The following TXNRD3 variants were observed in gnomAD, a reference collection of about 807,000 sequenced individuals.
TXNRD3 encodes the protein thioredoxin reductase 3, also known as TXNRD3 neighbor gene protein.
TXNRD3 carries 68 observed loss-of-function variants against 78.2 expected under a neutral mutation model. The observed-to-expected ratio is 0.87, with a 90% CI of 0.72 to 1.06. The LOEUF (loss-of-function observed/expected upper bound fraction) is 1.06. TXNRD3 is among the 50% of genes least tolerant of loss of function. The pLI is 0.00. For missense variants in TXNRD3, 751 were observed against 809.5 expected (o/e 0.93, Z 0.88); for synonymous variants, 296 against 300.1 (o/e 0.99, Z 0.14).
At chr3:126,647,648 A>G (rs769030624) in intron 1 of TXNRD3, among the ~76,000 whole-genome samples, 1 of 152,148 alleles carries the variant, frequency 6.6e-6, no homozygotes, top group Non-Finnish European at 1.5e-5. Context: ...CCTTCCACTC[A>G]GTAAGACCCC....
At chr3:126,636,996 C>T (rs1362260398) in intron 6 of TXNRD3, among the ~76,000 whole-genome samples, 1 of 151,620 alleles carries the variant, frequency 6.6e-6, no homozygotes, top group Admixed American at 6.6e-5. Context: ...ATTCTTCTTC[C>T]AATGTGGCCG....
chr3:126,620,428 T>C (rs1559772119), intron 12 of TXNRD3, among the ~76,000 whole-genome samples: 1 of 152,174 alleles, frequency 6.6e-6, no homozygotes, highest in African/African-American at 2.4e-5. Flanking sequence ...AACATCCTTG[T>C]ACTTAGGAGA....
chr3:126,632,421 G>A (rs1261808499), intron 7 of TXNRD3, among the ~76,000 whole-genome samples: 1 of 151,982 alleles, frequency 6.6e-6, no homozygotes, highest in African/African-American at 2.4e-5. Context: ...TACTTTGGGA[G>A]GCCGAGGAAG....
intron 10 of TXNRD3, among the ~76,000 whole-genome samples, chr3:126,626,925 T>TA (rs79436447): frequency 1.2e-3 from 168 of 142,684 alleles, no homozygotes; most frequent in Admixed American, 2.7e-3. Flanking sequence ...ACCCCAACCG[T>TA]AAAAAAAAAA....
chr3:126,633,856 T>A, intron 7 of TXNRD3, 53 bp downstream of exon 7: 1 of 1,392,086 alleles, frequency 7.2e-7, no homozygotes, highest in Non-Finnish European at 9.3e-7. Context: ...TGAAGGCAAG[T>A]ATAAACAATT....
Position 126,654,811 on chromosome 3 carries a change from C to A in TXNRD3, c.180G>T (p.Val60=). 7.0e-7 allele frequency: 1 copy of A among 1,424,912 alleles called. No individual in the cohort carries two copies. Among genetic ancestry groups the A allele is most frequent in the East Asian group, 3.1e-5 (1 of 31,746 alleles). The allele number at this position is 1,424,912 out of a possible 1,614,324, so 88.3% of individuals were successfully genotyped here. ...CCACCCGGCTGCGCTCGATGAGGCC[C>A]ACGAGGTGGCGGCGCAGCTCCTCGC... The change falls in exon 1 of 16, where the codon GTG becomes GTT. Residue 60 remains valine, a synonymous_variant. Coordinates refer to ENST00000524230, the MANE Select transcript of TXNRD3 (RefSeq NM_052883.3).
At chr3:126,643,532 CACGACACAGT>C (rs1401161935) in intron 5 of TXNRD3, among the ~76,000 whole-genome samples, 2 of 152,044 alleles carry the variant, frequency 1.3e-5, no homozygotes, top group African/African-American at 4.8e-5. Flanking sequence ...CTTACGTGAC[CACGACACAGT>C]ACATACACTG....
intron 15 of TXNRD3, 26 bp downstream of exon 15, chr3:126,608,473 A>G: frequency 1.3e-6 from 2 of 1,510,498 alleles, no homozygotes; most frequent in South Asian, 1.3e-5. Flanking sequence ...AACTGAAGCC[A>G]ATTTTTAAAA....
At chr3:126,611,500 A>G (rs1447132584) in intron 13 of TXNRD3, among the ~76,000 whole-genome samples, 1 of 152,196 alleles carries the variant, frequency 6.6e-6, no homozygotes, top group African/African-American at 2.4e-5. Flanking sequence ...CCCTGATAAC[A>G]AGGCTCACAT....
chr3:126,654,675 C>A, intron 1 of TXNRD3, 73 bp downstream of exon 1: 2 of 1,072,962 alleles, frequency 1.9e-6, no homozygotes, highest in Non-Finnish European at 2.3e-6. Flanking sequence ...CGGCCCGGAC[C>A]CGCCCTGCCC....
In TXNRD3 at chr3:126,634,032, T is replaced by C. The variant is rs750402189; in HGVS notation, c.732A>G (p.Thr244=). 2 of 1,514,074 alleles carry C rather than the reference T, an allele frequency of 1.3e-6. No individual in the cohort carries two copies. 93.8% of individuals were successfully genotyped at this position (1,514,074 alleles called of 1,614,324 possible). ...TGTGGTTCTGAATCGCTTTTGTCATTGTCTCCCAGTTGTGCCTCACTAAGA... is the reference window on the plus strand; with the variant it reads ...TGTGGTTCTGAATCGCTTTTGTCATCGTCTCCCAGTTGTGCCTCACTAAGA... Residue 244 remains threonine, a synonymous_variant, in exon 7 of 16, where the codon ACA becomes ACG. Transcript: ENST00000524230.
Position 126,654,889 on chromosome 3 carries a change from C to T in TXNRD3, c.102G>A (p.Pro34=). 1 of 1,322,966 alleles carries T rather than the reference C, an allele frequency of 7.6e-7. No individual in the cohort carries two copies. The highest frequency in any genetic ancestry group is 9.6e-7 in the Non-Finnish European group (1 of 1,044,952). The allele number at this position is 1,322,966 out of a possible 1,614,324, so 82.0% of individuals were successfully genotyped here. A position where few individuals can be genotyped will look rare whatever the true frequency, so the allele number is the denominator to read the frequency against. Residue 34 remains proline, a synonymous_variant, in exon 1 of 16, where the codon CCG becomes CCA. Transcript: ENST00000524230. ...GGGACGACAGGCGGGCACGGCGCCC[C>T]GGCGGCGACAACACGCGCGCCCCTC...
chr3:126,637,932 C>CTCTTTTTTT lies in TXNRD3; in HGVS notation c.713-3882_713-3881insAAAAAAAGA, dbSNP rs1444254294. On this transcript the variant is annotated intron_variant, in intron 6 of 15. Transcript: ENST00000524230. ...CTTATTTTAACCTATATTTCTCTCT[C>CTCTTTTTTT]TTTTTTTTTTTTTTTTTTTTTTTTT... 3.8e-4 allele frequency among the ~76,000 whole-genome samples: 23 copies of CTCTTTTTTT among 60,238 alleles called. 2 individuals carry two copies. Among genetic ancestry groups the CTCTTTTTTT allele is most frequent in the Non-Finnish European group, 5.1e-4 (18 of 35,182 alleles). 39.5% of individuals were successfully genotyped at this position (60,238 alleles called of 152,430 possible).
chr3:126,635,290 C>T (rs901714887), intron 6 of TXNRD3, among the ~76,000 whole-genome samples: 1 of 152,178 alleles, frequency 6.6e-6, no homozygotes, highest in African/African-American at 2.4e-5. Flanking sequence ...CTCTCAAATA[C>T]AGCTGCACAT....
intron 1 of TXNRD3, among the ~76,000 whole-genome samples, chr3:126,652,925 C>G (rs1335697182): frequency 6.6e-6 from 1 of 152,198 alleles, no homozygotes; most frequent in African/African-American, 2.4e-5. Flanking sequence ...CAAAGGGACT[C>G]TGATTTTGTT....
At position 126,644,428 on chromosome 3, in the gene TXNRD3, C is replaced by T. The variant is rs1473380628; in HGVS notation, c.415-27G>A. 2.0e-6 allele frequency: 3 copies of T among 1,481,426 alleles called. No individual in the cohort carries two copies. The African/African-American group carries it at 4.2e-5, about 21-fold the overall frequency. The allele number at this position is 1,481,426 out of a possible 1,614,324, so 91.8% of individuals were successfully genotyped here. On this transcript the variant is annotated intron_variant, in intron 3 of 15. Coordinates refer to ENST00000524230, the MANE Select transcript of TXNRD3 (RefSeq NM_052883.3). ...TATGGTTTAATTACAGGAGAAAGAA[C>T]ACTGCAGAATTTAAAGTTTTACAGC... is the stretch of plus-strand genomic sequence containing the variant.
chr3:126,644,417 A>T lies in TXNRD3; in HGVS notation c.415-16T>A, dbSNP rs1933181269. 2.0e-6 allele frequency: 3 copies of T among 1,514,848 alleles called. No homozygotes were observed. In the Admixed American group the frequency reaches 5.9e-5, roughly 30 times the overall value. The allele number at this position is 1,514,848 out of a possible 1,614,324, so 93.8% of individuals were successfully genotyped here. A position where few individuals can be genotyped will look rare whatever the true frequency, so the allele number is the denominator to read the frequency against. On this transcript the variant is annotated splice_polypyrimidine_tract_variant and intron_variant, in intron 3 of 15. Transcript: ENST00000524230. ...TCTGATATGCCTATGGTTTAATTAC[A>T]GGAGAAAGAACACTGCAGAATTTAA...
chr3:126,608,620 C>T lies in TXNRD3; in HGVS notation c.1742G>A (p.Gly581Glu). ...GGCGTTTGGTCCAAGAATATGAAAT[C>T]CTATCACCCGATCCTTTAATACAGA... Residue 581 changes from glycine (G) to glutamate (E), a missense_variant, in exon 15 of 16, where the codon GGA becomes GAA. Coordinates refer to ENST00000524230, the MANE Select transcript of TXNRD3 (RefSeq NM_052883.3). The T allele has an allele frequency of 6.5e-7, 1 of 1,535,346 alleles. No individual in the cohort carries two copies. The highest frequency in any genetic ancestry group is 8.7e-7 in the Non-Finnish European group (1 of 1,146,628).
At chr3:126,610,276 G>A (rs1938168293) in intron 14 of TXNRD3, among the ~76,000 whole-genome samples, 1 of 152,202 alleles carries the variant, frequency 6.6e-6, no homozygotes. Context: ...GATGTCACTT[G>A]TTGCAGTTCA....
Sources: gnomAD v4.1 joint callset for allele counts (sites outside exome capture counted in the v4.1 genomes callset) on GRCh38, gnomAD v4.1.1 for gene constraint, MANE v1.5 for transcripts, NCBI Gene and HGNC (gene_info 2026-07-23, HGNC 2026-07-21) for gene names.